The following PCDHA8 variants were observed in gnomAD, a reference collection of about 807,000 sequenced individuals.
PCDHA8 encodes the protein protocadherin alpha 8.
A neutral mutation model predicts 61.8 loss-of-function variants in PCDHA8; 53 were observed. The observed-to-expected ratio is 0.86, with a 90% CI of 0.69 to 1.08. The LOEUF (loss-of-function observed/expected upper bound fraction) is 1.08. Ranked by LOEUF, PCDHA8 falls within the 50% of genes least tolerant of loss-of-function variation. The probability of loss-of-function intolerance (pLI) is 0.00; values close to 1 mark genes in which losing one functional copy is unlikely to be tolerated. For missense variants in PCDHA8, 1,293 were observed against 1,245.0 expected, an observed-to-expected ratio of 1.04 and a Z score of -0.58; for synonymous variants, 618 against 556.6, an observed-to-expected ratio of 1.11 and a Z score of -1.55.
At chr5:140,875,560 C>T (rs1554167756) in intron 1 of PCDHA8, 2 of 1,614,124 alleles carry the variant, frequency 1.2e-6, no homozygotes, top group Admixed American at 3.3e-5. Flanking sequence ...GGGGAGCGGC[C>T]AGCTCCACTA....
At chr5:140,875,769 C>A (rs782227729) in intron 1 of PCDHA8, 1 of 1,614,224 alleles carries the variant, frequency 6.2e-7, no homozygotes, top group South Asian at 1.1e-5. Context: ...GCGGGCGGAG[C>A]GCGGAGTGCA....
chr5:140,965,942 C>G (rs2095950444), intron 1 of PCDHA8, among the ~76,000 whole-genome samples: 2 of 152,330 alleles, frequency 1.3e-5, no homozygotes, highest in Admixed American at 1.3e-4. Flanking sequence ...AAGAGGGCAG[C>G]ATTTGCCATC....
intron 2 of PCDHA8, among the ~76,000 whole-genome samples, chr5:140,981,379 G>A (rs1387904235): frequency 1.3e-5 from 2 of 152,152 alleles, no homozygotes; most frequent in Admixed American, 1.3e-4. Flanking sequence ...TTCAAGACCA[G>A]CCTGGTCAAT....
intron 1 of PCDHA8, chr5:140,966,461 C>A: frequency 2.3e-6 from 1 of 429,006 alleles, no homozygotes; most frequent in East Asian, 3.5e-5. Flanking sequence ...CCCCCTCTGT[C>A]TTCCCTTCTG....
intron 1 of PCDHA8, chr5:140,969,349 G>A (rs782345683): frequency 3.1e-5 from 50 of 1,612,958 alleles, no homozygotes; most frequent in Non-Finnish European, 4.2e-5. Context: ...AGTGGTCAGG[G>A]GGTCTTCTAC....
At chr5:140,843,896 T>C in intron 1 of PCDHA8, 181 bp downstream of exon 1, 2 of 663,756 alleles carry the variant, frequency 3.0e-6, no homozygotes, top group East Asian at 5.6e-5. Context: ...TATTAATCAT[T>C]CTCCACAAGT....
At chr5:140,965,196 AG>A (rs2095879471) in intron 1 of PCDHA8, among the ~76,000 whole-genome samples, 3 of 152,254 alleles carry the variant, frequency 2.0e-5, no homozygotes, top group Non-Finnish European at 4.4e-5. Flanking sequence ...ATGAGGCAAT[AG>A]ATTTCAAATT....
intron 1 of PCDHA8, chr5:140,968,168 A>T (rs145694919): frequency 3.1e-6 from 5 of 1,614,098 alleles, no homozygotes; most frequent in Non-Finnish European, 4.2e-6. Context: ...CAATCCACCA[A>T]GCTTCCTGGA....
intron 1 of PCDHA8, among the ~76,000 whole-genome samples, chr5:140,901,055 A>G (rs1454535703): frequency 6.6e-6 from 1 of 152,088 alleles, no homozygotes; most frequent in African/African-American, 2.4e-5. Context: ...AAATTAGATT[A>G]TTAGATTTTT....
At chr5:140,900,439 G>A (rs1348507716) in intron 1 of PCDHA8, among the ~76,000 whole-genome samples, 1 of 152,242 alleles carries the variant, frequency 6.6e-6, no homozygotes, top group East Asian at 1.9e-4. Context: ...CACCACGGCC[G>A]GCTAATTTTT....
chr5:140,873,191 C>T (rs1554166611), intron 1 of PCDHA8, among the ~76,000 whole-genome samples: 1 of 151,960 alleles, frequency 6.6e-6, no homozygotes, highest in African/African-American at 2.4e-5. Context: ...TATTCATTGG[C>T]TAAAAACATT....
At chr5:140,853,805 C>A in intron 1 of PCDHA8, 1 of 986,730 alleles carries the variant, frequency 1.0e-6, no homozygotes, top group Non-Finnish European at 1.2e-6. Flanking sequence ...TTTTAAAGCA[C>A]ACCTGAGATG....
chr5:140,985,643 A>G (rs564908892), intron 3 of PCDHA8, among the ~76,000 whole-genome samples: 1 of 151,200 alleles, frequency 6.6e-6, no homozygotes, highest in Non-Finnish European at 1.5e-5. Context: ...TCATCCCAAC[A>G]CTTGCAATGG....
intron 1 of PCDHA8, among the ~76,000 whole-genome samples, chr5:140,933,231 A>G (rs1488760874): frequency 4.6e-5 from 7 of 152,008 alleles, no homozygotes; most frequent in Non-Finnish European, 1.0e-4. Context: ...GCATTTATGA[A>G]AAAGAAAGGA....
At chr5:140,882,212 G>A in intron 1 of PCDHA8, 1 of 1,539,436 alleles carries the variant, frequency 6.5e-7, no homozygotes. Context: ...TTGAGAGACA[G>A]TTTGAGGTAA....
At chr5:140,982,353 C>G (rs2096979519) in intron 2 of PCDHA8, 122 bp from the exon 3 acceptor site, 1 of 1,509,284 alleles carries the variant, frequency 6.6e-7, no homozygotes, top group East Asian at 2.4e-5. Flanking sequence ...TCAGTTCAAG[C>G]ATGAGCAGAA....
At chr5:140,947,957 A>G (rs2094196859) in intron 1 of PCDHA8, among the ~76,000 whole-genome samples, 1 of 151,542 alleles carries the variant, frequency 6.6e-6, no homozygotes, top group African/African-American at 2.4e-5. Flanking sequence ...ATATTTTACA[A>G]TTAAGTATGT....
intron 3 of PCDHA8, among the ~76,000 whole-genome samples, chr5:141,008,075 G>A (rs1002549445): frequency 2.0e-5 from 3 of 152,004 alleles, no homozygotes; most frequent in Non-Finnish European, 1.5e-5. Flanking sequence ...GAACTTATTG[G>A]GGTTATTCTA....
At chr5:140,929,057 C>T (rs17844370) in intron 1 of PCDHA8, 1 of 1,614,070 alleles carries the variant, frequency 6.2e-7, no homozygotes, top group Non-Finnish European at 8.5e-7. Flanking sequence ...TGTCGCTCTA[C>T]AGAGGATCTG....
Sources: allele counts gnomAD v4.1 joint callset (sites outside exome capture counted in the v4.1 genomes callset), GRCh38; gene constraint gnomAD v4.1.1; transcripts MANE v1.5; gene names NCBI Gene and HGNC (gene_info 2026-07-23, HGNC 2026-07-21).